Variants in PIAS3 observed in about 807,000 individuals in gnomAD.
The protein encoded by PIAS3 is E3 SUMO-protein ligase PIAS3.
In PIAS3, 34 loss-of-function variants were observed where a neutral mutation model predicts 67.6. The ratio of observed to expected loss-of-function variants is 0.50; its 90% CI spans 0.38 to 0.67. The LOEUF (loss-of-function observed/expected upper bound fraction) is 0.67, where lower values mean the gene tolerates loss of function less well. PIAS3 is among the 30% of genes least tolerant of loss of function. PIAS3 has a pLI of 0.00. For synonymous variants in PIAS3, 341 were observed against 313.8 expected, an observed-to-expected ratio of 1.09 and a Z score of -0.92; for missense variants, 693 against 791.6, an observed-to-expected ratio of 0.88 and a Z score of 1.49.
chr1:145,849,115 G>C lies in PIAS3; in HGVS notation c.*331C>G. Reference sequence around the variant, plus strand: ...GGTGCCCCTTCCCCAAGAGGCTCTAGACATAGTCAAGGCTGAGGGTTCAGC... The same window carrying C: ...GGTGCCCCTTCCCCAAGAGGCTCTACACATAGTCAAGGCTGAGGGTTCAGC... On this transcript the variant is annotated 3_prime_UTR_variant, in exon 14 of 14. Transcript: ENST00000393045. 4.7e-6 allele frequency: 1 copy of C among 213,374 alleles called. No homozygotes were observed. Among genetic ancestry groups the C allele is most frequent in the Non-Finnish European group, 9.2e-6 (1 of 108,600 alleles). The allele number at this position is 213,374 out of a possible 1,614,324, so 13.2% of individuals were successfully genotyped here.
intron 1 of PIAS3, among the ~76,000 whole-genome samples, chr1:145,858,328 CT>C (rs1653275345): frequency 6.6e-6 from 1 of 152,082 alleles, no homozygotes; most frequent in Non-Finnish European, 1.5e-5. Context: ...TCCCACCTTT[CT>C]ATCCCATAGT....
chr1:145,853,967 G>C, intron 7 of PIAS3, 81 bp from the exon 8 acceptor site: 1 of 1,264,408 alleles, frequency 7.9e-7, no homozygotes, highest in Non-Finnish European at 1.1e-6. Context: ...GGAACAGATG[G>C]CTCTGGCTGA....
At chr1:145,858,640 A>C in intron 1 of PIAS3, among the ~76,000 whole-genome samples, 1 of 130,592 alleles carries the variant, frequency 7.7e-6, no homozygotes, top group Admixed American at 8.3e-5. Context: ...CAGTGCCTCT[A>C]CAGCACCTTT....
intron 2 of PIAS3, 63 bp from the exon 3 acceptor site, chr1:145,856,494 A>G: frequency 6.3e-7 from 1 of 1,599,966 alleles, no homozygotes; most frequent in Non-Finnish European, 8.6e-7. Flanking sequence ...AATCGCCCCC[A>G]TCCCAGGTCA....
At position 145,859,059 on chromosome 1, in the gene PIAS3, C is replaced by G; in HGVS notation, c.-69G>C. On this transcript the variant is annotated 5_prime_UTR_variant, in exon 1 of 14. Transcript: ENST00000393045. ...CCAGGGACCGGCGCACAACTCTCCA[C>G]CCTGGCGCCGGCCGCAAATGCCGCC... 6.7e-7 allele frequency: 1 copy of G among 1,482,896 alleles called. No homozygotes were observed. Among genetic ancestry groups the G allele is most frequent in the South Asian group, 1.3e-5 (1 of 79,432 alleles). 91.9% of individuals were successfully genotyped at this position (1,482,896 alleles called of 1,614,324 possible). A position where few individuals can be genotyped will look rare whatever the true frequency, so the allele number is the denominator to read the frequency against.
intron 1 of PIAS3, among the ~76,000 whole-genome samples, chr1:145,858,046 G>A (rs1304202270): frequency 1.3e-5 from 2 of 152,124 alleles, no homozygotes; most frequent in Admixed American, 6.5e-5. Flanking sequence ...GGATGAACTC[G>A]GTAGTTTGAG....
chr1:145,856,193 G>A, intron 3 of PIAS3, 75 bp from the exon 4 acceptor site: 11 of 1,376,220 alleles, frequency 8.0e-6, no homozygotes, highest in Non-Finnish European at 1.1e-5. Context: ...CAGAAAGGCT[G>A]AAAGTCAGAT....
Position 145,851,122 on chromosome 1 carries a change from C to G in PIAS3, c.1177G>C (p.Asp393His). 6.2e-7 allele frequency: 1 copy of G among 1,614,118 alleles called. No homozygotes were observed. Among genetic ancestry groups the G allele is most frequent in the African/African-American group, 1.3e-5 (1 of 75,036 alleles). ...LFMEILSSCS[D>H]CDEIQFMEDG... ...TCCATGAATTGGATCTCATCACAAT[C>G]TGAACAGGAACTAAGAATCTCCATA... Residue 393 changes from aspartate (D) to histidine (H), a missense_variant, in exon 10 of 14, where the codon GAT becomes CAT. This residue lies in a region of PIAS3 where 115 missense variants were observed against 181.8 expected (regional missense o/e 0.63). Coordinates refer to ENST00000393045, the MANE Select transcript of PIAS3 (RefSeq NM_006099.3).
At chr1:145,852,899 T>C (rs1447752891) in intron 9 of PIAS3, among the ~76,000 whole-genome samples, 1 of 152,132 alleles carries the variant, frequency 6.6e-6, no homozygotes, top group East Asian at 1.9e-4. Flanking sequence ...AGGGTTATTG[T>C]GAGGATTCAA....
At chr1:145,858,082 G>A (rs1653265345) in intron 1 of PIAS3, among the ~76,000 whole-genome samples, 1 of 152,104 alleles carries the variant, frequency 6.6e-6, no homozygotes, top group African/African-American at 2.4e-5. Context: ...CTCAGATGTG[G>A]TCACCCTCCA....
At chr1:145,857,695 G>A (rs1392652317) in intron 1 of PIAS3, among the ~76,000 whole-genome samples, 2 of 152,138 alleles carry the variant, frequency 1.3e-5, no homozygotes, top group Non-Finnish European at 2.9e-5. Context: ...TATTTTTCTG[G>A]AAGGGAAACA....
Position 145,853,821 on chromosome 1 carries a change from T to A in PIAS3, c.976A>T (p.Met326Leu). ...TCTCCCCTTTTACCCACCGGGCACATGAGTGACACCCGGAGACTTGTAGTG... is the reference window on the plus strand; with the variant it reads ...TCTCCCCTTTTACCCACCGGGCACAAGAGTGACACCCGGAGACTTGTAGTG... ...VATTSLRVSL[M>L]CPLGKMRLTV... The change falls in exon 8 of 14, where the codon ATG becomes TTG. Residue 326 changes from methionine (M) to leucine (L), a missense_variant. Physicochemically the swap from Met to Leu is conservative, Grantham distance 15. This residue lies in a region of PIAS3 where 115 missense variants were observed against 181.8 expected (regional missense o/e 0.63). Transcript: ENST00000393045. The A allele has an allele frequency of 6.2e-7, 1 of 1,613,850 alleles. No homozygotes were observed. The highest frequency in any genetic ancestry group is 1.1e-5 in the South Asian group (1 of 91,078).
At chr1:145,850,713 G>T (rs1279967672) in intron 11 of PIAS3, 58 bp downstream of exon 11, 4 of 1,602,244 alleles carry the variant, frequency 2.5e-6, no homozygotes, top group Non-Finnish European at 2.6e-6. Flanking sequence ...TGATCAGAAA[G>T]CAATCCTGAC....
rs782102609 is a variant in PIAS3, at chr1:145,856,679, G to A, written c.352C>T (p.Pro118Ser). ...GPKREVDMHP[P>S]LPQPVHPDVT... Reference sequence around the variant, plus strand: ...TCAGGGTGCACAGGCTGGGGCAGAGGGGGGTGCATGTCCACCTCACGCTTG... The same window carrying A: ...TCAGGGTGCACAGGCTGGGGCAGAGAGGGGTGCATGTCCACCTCACGCTTG... Residue 118 changes from proline to serine, a missense_variant, in exon 2 of 14, where the codon CCT becomes TCT. Physicochemically the swap from Pro to Ser is moderately conservative, Grantham distance 74 (BLOSUM62 -1). This residue lies in a region of PIAS3 where 308 missense variants were observed against 348.8 expected (regional missense o/e 0.88). Transcript: ENST00000393045. 19 of 1,608,908 alleles carry A rather than the reference G, an allele frequency of 1.2e-5. No individual in the cohort carries two copies. In the Middle Eastern group the frequency reaches 8.2e-4, roughly 70 times the overall value.
chr1:145,851,529 G>A (rs1553734366), intron 9 of PIAS3, among the ~76,000 whole-genome samples: 3 of 151,344 alleles, frequency 2.0e-5, no homozygotes, highest in African/African-American at 7.3e-5. Flanking sequence ...GGTGGCACAT[G>A]CCTATAATCC....
At chr1:145,850,649 C>T (rs782168983) in intron 11 of PIAS3, 63 bp from the exon 12 acceptor site, 2 of 1,601,002 alleles carry the variant, frequency 1.2e-6, no homozygotes, top group African/African-American at 1.3e-5. Flanking sequence ...AGCTCAGGTC[C>T]CCAGGTTCCC....
intron 1 of PIAS3, chr1:145,857,222 C>T (rs1195736923): frequency 6.9e-6 from 4 of 579,524 alleles, no homozygotes; most frequent in African/African-American, 5.6e-5. Context: ...TCATCACCAC[C>T]ACCCCCGAGC....
In PIAS3 at chr1:145,853,572, C is replaced by T. The variant is rs782080284; in HGVS notation, c.1077G>A (p.Glu359=). Residue 359 remains glutamate, a synonymous_variant, in exon 9 of 14, where the codon GAG becomes GAA. Coordinates refer to ENST00000393045, the MANE Select transcript of PIAS3 (RefSeq NM_006099.3). ...FDAALYLQMN[E]KKPTWTCPVC... ...CAGGACATGTCCATGTAGGCTTCTT[C>T]TCATTCATCTGTAGATAAAGGGCAG... 1.9e-6 allele frequency: 3 copies of T among 1,613,980 alleles called. No homozygotes were observed. The African/African-American group carries it at 4.0e-5, about 22-fold the overall frequency.
At position 145,856,904 on chromosome 1, in the gene PIAS3, G is replaced by A. The variant is rs782015603; in HGVS notation, c.127C>T (p.His43Tyr). 5.6e-6 allele frequency: 9 copies of A among 1,614,160 alleles called. No homozygotes were observed. The South Asian group carries it at 8.8e-5, about 16-fold the overall frequency. Residue 43 changes from histidine (H) to tyrosine (Y), a missense_variant, in exon 2 of 14, where the codon CAC (histidine) becomes TAC (tyrosine). Transcript: ENST00000393045. ...RKHELLAKALHLLKSSCAPSV... is the reference protein window; with the variant it reads ...RKHELLAKALYLLKSSCAPSV... Reference sequence around the variant, plus strand: ...GGGGCACAGCTGGACTTCAGGAGGTGCAGAGCCTTGGCCAGGAGCTCGTGC... The same window carrying A: ...GGGGCACAGCTGGACTTCAGGAGGTACAGAGCCTTGGCCAGGAGCTCGTGC...
Sources: gnomAD v4.1 joint callset for allele counts (sites outside exome capture counted in the v4.1 genomes callset) on GRCh38, gnomAD v4.1.1 for gene constraint, gnomAD v4.1.1 regional missense constraint, MANE v1.5 for transcripts, NCBI Gene and HGNC (gene_info 2026-07-23, HGNC 2026-07-21) for gene names.